Variants in CRPPA observed in about 807,000 individuals in gnomAD.
CRPPA encodes D-ribitol-5-phosphate cytidylyltransferase.
In CRPPA, 43 loss-of-function variants were observed where a neutral mutation model predicts 52.0. That is an observed-to-expected ratio of 0.83 (90% confidence interval 0.65 to 1.07). The LOEUF (loss-of-function observed/expected upper bound fraction) is 1.07, where lower values mean the gene tolerates loss of function less well. Among genes scored for constraint, CRPPA ranks in the 50% least tolerant of loss-of-function variants. The pLI, the probability that CRPPA is intolerant of heterozygous loss-of-function variation, is 0.00. For synonymous variants in CRPPA, 250 were observed against 203.5 expected (o/e 1.23, Z -1.94); for missense variants, 629 against 551.7 (o/e 1.14, Z -1.40).
chr7:16,288,970 C>A (rs1158694382), intron 5 of CRPPA, among the ~76,000 whole-genome samples: 1 of 149,464 alleles, frequency 6.7e-6, no homozygotes, highest in Non-Finnish European at 1.5e-5. Context: ...CATCAATAAA[C>A]CACTAAACAA....
At chr7:16,403,414 G>T (rs1260927760) in intron 2 of CRPPA, among the ~76,000 whole-genome samples, 1 of 152,022 alleles carries the variant, frequency 6.6e-6, no homozygotes, top group Non-Finnish European at 1.5e-5. Context: ...TAAGCAAAAT[G>T]GAAAGTCAGT....
At chr7:16,115,218 C>T (rs1033323271) in intron 9 of CRPPA, among the ~76,000 whole-genome samples, 14 of 152,138 alleles carry the variant, frequency 9.2e-5, no homozygotes, top group African/African-American at 2.9e-4. Context: ...AGACAAAGAA[C>T]TATATATAAA....
At chr7:16,342,636 C>G (rs936689544) in intron 3 of CRPPA, among the ~76,000 whole-genome samples, 1 of 150,190 alleles carries the variant, frequency 6.7e-6, no homozygotes, top group East Asian at 2.0e-4. Flanking sequence ...TGCACAAGGC[C>G]GGGCACAGTG....
intron 3 of CRPPA, among the ~76,000 whole-genome samples, chr7:16,340,855 A>G (rs921224991): frequency 7.9e-5 from 12 of 152,132 alleles, no homozygotes; most frequent in Non-Finnish European, 5.9e-5. Context: ...AAGCAACCAA[A>G]CATTCTTCAG....
At chr7:16,259,562 G>C (rs1426252349) in intron 6 of CRPPA, among the ~76,000 whole-genome samples, 1 of 151,956 alleles carries the variant, frequency 6.6e-6, no homozygotes, top group African/African-American at 2.4e-5. Flanking sequence ...TCCGAGATTA[G>C]ATTAGATTTA....
intron 9 of CRPPA, among the ~76,000 whole-genome samples, chr7:16,179,012 C>T (rs1454273338): frequency 6.6e-6 from 1 of 151,580 alleles, no homozygotes; most frequent in Non-Finnish European, 1.5e-5. Context: ...GTGTTTCAGG[C>T]ACACACGAAT....
intron 8 of CRPPA, among the ~76,000 whole-genome samples, chr7:16,224,000 A>T: frequency 6.6e-6 from 1 of 152,220 alleles, no homozygotes; most frequent in East Asian, 1.9e-4. Context: ...AAAAAAGATA[A>T]GCCTATCCTT....
At chr7:16,301,117 C>T (rs1297496729) in intron 5 of CRPPA, among the ~76,000 whole-genome samples, 1 of 152,130 alleles carries the variant, frequency 6.6e-6, no homozygotes, top group East Asian at 1.9e-4. Flanking sequence ...GAGGTGAGAC[C>T]TTTACAAAAT....
chr7:16,417,882 A>G (rs1312928688), intron 1 of CRPPA, among the ~76,000 whole-genome samples: 1 of 152,222 alleles, frequency 6.6e-6, no homozygotes, highest in Non-Finnish European at 1.5e-5. Context: ...TAAATGATTG[A>G]CAGTGGTGAC....
chr7:16,380,347 A>T (rs1787046221), intron 2 of CRPPA, among the ~76,000 whole-genome samples: 1 of 151,896 alleles, frequency 6.6e-6, no homozygotes, highest in Non-Finnish European at 1.5e-5. Context: ...AGCCCACTTG[A>T]TCATGGTGGA....
intron 4 of CRPPA, among the ~76,000 whole-genome samples, chr7:16,302,665 T>A (rs4721488): frequency 6.6e-6 from 1 of 152,020 alleles, no homozygotes; most frequent in African/African-American, 2.4e-5. Flanking sequence ...CACAATCAAA[T>A]AAAAGAGAGA....
At chr7:16,184,517 T>C (rs1179210592) in intron 9 of CRPPA, among the ~76,000 whole-genome samples, 2 of 152,180 alleles carry the variant, frequency 1.3e-5, no homozygotes, top group African/African-American at 4.8e-5. Context: ...CTAACATGAA[T>C]AGAAAGTCAT....
chr7:16,127,931 C>T (rs1453025845), intron 9 of CRPPA, among the ~76,000 whole-genome samples: 1 of 152,176 alleles, frequency 6.6e-6, no homozygotes, highest in African/African-American at 2.4e-5. Flanking sequence ...TCCCAATTTA[C>T]ACTAAGGAAG....
At chr7:16,236,600 T>C (rs929018527) in intron 8 of CRPPA, among the ~76,000 whole-genome samples, 2 of 152,150 alleles carry the variant, frequency 1.3e-5, no homozygotes, top group Non-Finnish European at 2.9e-5. Context: ...TTCCAAAACC[T>C]GCAAAAGTAA....
At chr7:16,313,957 T>A (rs1014119165) in intron 3 of CRPPA, among the ~76,000 whole-genome samples, 2 of 151,988 alleles carry the variant, frequency 1.3e-5, no homozygotes, top group African/African-American at 4.8e-5. Flanking sequence ...CATATGAGCA[T>A]GAGAATAATG....
intron 5 of CRPPA, among the ~76,000 whole-genome samples, chr7:16,286,068 T>TTTAAAAAAAAAAAAAAA (rs1562608533): frequency 8.3e-5 from 2 of 24,060 alleles, no homozygotes; most frequent in African/African-American, 5.1e-4. Context: ...TATATATATA[T>TTTAAAAAAAAAAAAAAA]ATATATATAT....
At chr7:16,093,916 T>C (rs1291078349) in intron 9 of CRPPA, among the ~76,000 whole-genome samples, 2 of 152,160 alleles carry the variant, frequency 1.3e-5, no homozygotes, top group African/African-American at 4.8e-5. Context: ...TAATTAAGGT[T>C]CCTCTTTCAA....
intron 3 of CRPPA, among the ~76,000 whole-genome samples, chr7:16,347,334 T>C (rs1786039993): frequency 6.6e-6 from 1 of 152,146 alleles, no homozygotes. Context: ...AAAACATTAG[T>C]ATCAGTAAGT....
intron 9 of CRPPA, among the ~76,000 whole-genome samples, chr7:16,176,564 A>T (rs1781300765): frequency 6.6e-6 from 1 of 152,162 alleles, no homozygotes; most frequent in Non-Finnish European, 1.5e-5. Context: ...ATACATTTCT[A>T]GCATAATGCA....
Sources: allele counts gnomAD v4.1 joint callset (sites outside exome capture counted in the v4.1 genomes callset), GRCh38; gene constraint gnomAD v4.1.1; transcripts MANE v1.5; gene names NCBI Gene and HGNC (gene_info 2026-07-23, HGNC 2026-07-21).